OBI1: variants seen among roughly 807,000 people sequenced by gnomAD.
OBI1 encodes the protein ring finger protein 219.
OBI1 carries 59 observed loss-of-function variants against 62.4 expected under a neutral mutation model. The ratio of observed to expected loss-of-function variants is 0.95; its 90% CI spans 0.77 to 1.17. The LOEUF is 1.17. OBI1 is among the 50% of genes most tolerant of loss of function. The probability of loss-of-function intolerance (pLI) is 0.00; values close to 1 mark genes in which losing one functional copy is unlikely to be tolerated. For missense variants in OBI1, 875 were observed against 830.9 expected (o/e 1.05, Z -0.65); for synonymous variants, 302 against 292.8 (o/e 1.03, Z -0.32).
At chr13:78,650,164 T>C (rs988143602) in intron 1 of OBI1, among the ~76,000 whole-genome samples, 5 of 152,144 alleles carry the variant, frequency 3.3e-5, no homozygotes, top group Admixed American at 1.3e-4. Flanking sequence ...GATGAGTAGT[T>C]TGGTTTACCC....
At chr13:78,623,955 A>G (rs1875589830) in intron 5 of OBI1, among the ~76,000 whole-genome samples, 1 of 152,194 alleles carries the variant, frequency 6.6e-6, no homozygotes, top group African/African-American at 2.4e-5. Context: ...TGCCAACCCA[A>G]ATATTTAACC....
chr13:78,626,513 C>T (rs1875671130), intron 5 of OBI1, among the ~76,000 whole-genome samples: 2 of 152,128 alleles, frequency 1.3e-5, no homozygotes, highest in Admixed American at 1.3e-4. Flanking sequence ...GAGGAAAATG[C>T]TACCTCTGTC....
chr13:78,627,075 A>T (rs1444351919), intron 5 of OBI1, among the ~76,000 whole-genome samples: 1 of 152,174 alleles, frequency 6.6e-6, no homozygotes, highest in African/African-American at 2.4e-5. Context: ...TAAGCAGTAG[A>T]AAGGCTGTTA....
chr13:78,627,416 T>C (rs983199325), intron 5 of OBI1, among the ~76,000 whole-genome samples: 27 of 145,356 alleles, frequency 1.9e-4, no homozygotes, highest in African/African-American at 7.6e-4. Context: ...ATCCTCTAAA[T>C]TCCCTCCCCT....
At chr13:78,620,162 T>C (rs886152173) in intron 5 of OBI1, among the ~76,000 whole-genome samples, 1 of 152,204 alleles carries the variant, frequency 6.6e-6, no homozygotes, top group African/African-American at 2.4e-5. Flanking sequence ...ATAACTATAT[T>C]AAATTTGGCA....
chr13:78,640,820 G>A (rs139763896), intron 3 of OBI1, among the ~76,000 whole-genome samples: 6 of 152,144 alleles, frequency 3.9e-5, no homozygotes, highest in East Asian at 1.9e-4. Flanking sequence ...AAAGAGGATT[G>A]TTAGGGTTTT....
chr13:78,630,281 T>A (rs1258124329), intron 5 of OBI1, among the ~76,000 whole-genome samples: 1 of 152,130 alleles, frequency 6.6e-6, no homozygotes, highest in Non-Finnish European at 1.5e-5. Flanking sequence ...TTCCTTAATA[T>A]AAACAATTCT....
At chr13:78,625,845 G>C (rs944537145) in intron 5 of OBI1, among the ~76,000 whole-genome samples, 1 of 152,136 alleles carries the variant, frequency 6.6e-6, no homozygotes, top group Non-Finnish European at 1.5e-5. Flanking sequence ...TCAAATACTA[G>C]GAAATCACCA....
At chr13:78,648,562 A>G (rs1422074275) in intron 1 of OBI1, among the ~76,000 whole-genome samples, 1 of 151,966 alleles carries the variant, frequency 6.6e-6, no homozygotes, top group Non-Finnish European at 1.5e-5. Flanking sequence ...AAGCGTGCAC[A>G]TTATATGAGA....
chr13:78,631,959 T>G (rs2137443053), intron 5 of OBI1, among the ~76,000 whole-genome samples: 1 of 152,246 alleles, frequency 6.6e-6, no homozygotes, highest in South Asian at 2.1e-4. Context: ...TTGAGACCAA[T>G]GTAAATCTCC....
intron 1 of OBI1, among the ~76,000 whole-genome samples, chr13:78,648,279 A>AACACACAC (rs3064402): frequency 0.025 from 3,686 of 146,754 alleles, 48 homozygotes; most frequent in South Asian, 0.062. Flanking sequence ...ACTTCCCCCA[A>AACACACAC]ACACACACAC....
Position 78,642,177 on chromosome 13 carries a change from G to GT in OBI1, c.244dup (p.Thr82AsnfsTer10), listed in dbSNP as rs1876236832. On this transcript the variant is annotated frameshift_variant, in exon 3 of 6. Transcript: ENST00000282003. LOFTEE classifies it high-confidence loss of function. ...AGTTTTCCGAAGATGCTTCCTGACC[G>GT]TATGGCTTAGCATAGGTTCACTTTC... 6.2e-7 allele frequency: 1 copy of GT among 1,607,872 alleles called. No homozygotes were observed.
intron 5 of OBI1, among the ~76,000 whole-genome samples, chr13:78,627,372 G>A (rs1205736822): frequency 6.7e-6 from 1 of 149,072 alleles, no homozygotes; most frequent in Non-Finnish European, 1.5e-5. Flanking sequence ...ATAGGTATAC[G>A]TGTGCCATGG....
intron 1 of OBI1, among the ~76,000 whole-genome samples, chr13:78,657,773 T>C (rs1380251883): frequency 1.3e-5 from 2 of 152,202 alleles, no homozygotes; most frequent in Non-Finnish European, 2.9e-5. Context: ...ATTTAACACA[T>C]ATTTCCAGGA....
chr13:78,618,868 T>A (rs1273641714), intron 5 of OBI1, among the ~76,000 whole-genome samples: 1 of 152,218 alleles, frequency 6.6e-6, no homozygotes, highest in South Asian at 2.1e-4. Context: ...CTTCACAGAG[T>A]TGTAGTTCTG....
chr13:78,629,142 C>T (rs954724285), intron 5 of OBI1, among the ~76,000 whole-genome samples: 41 of 151,974 alleles, frequency 2.7e-4, no homozygotes, highest in African/African-American at 9.7e-4. Context: ...GTATCTAGAG[C>T]CTTTATCCTC....
Position 78,644,855 on chromosome 13 carries a change from C to T in OBI1, c.208+7G>A, listed in dbSNP as rs761004141. The T allele has an allele frequency of 1.9e-6, 3 of 1,613,166 alleles. No homozygotes were observed. The highest frequency in any genetic ancestry group is 2.2e-5 in the East Asian group (1 of 44,852). On this transcript the variant is annotated splice_region_variant and intron_variant, in intron 2 of 5. Transcript: ENST00000282003. The stretch of plus-strand genomic sequence containing the variant: ...TATTCCTATGCATATATAAAACAGG[C>T]CCTTACCTATAATTTCTTTGCAAGG...
Position 78,615,996 on chromosome 13 carries a change from G to A in OBI1, c.1765C>T (p.Leu589=), listed in dbSNP as rs766072716. 8 of 1,613,984 alleles carry A rather than the reference G, an allele frequency of 5.0e-6. No individual in the cohort carries two copies. Among genetic ancestry groups the A allele is most frequent in the African/African-American group, 4.0e-5 (3 of 74,910 alleles). The change falls in exon 6 of 6, where the codon CTA becomes TTA. Residue 589 remains leucine (L), a synonymous_variant. Coordinates refer to ENST00000282003, the MANE Select transcript of OBI1 (RefSeq NM_024546.4). ...GTTAGAGAACCTTTGGAAAGGTTTA[G>A]CTCAGTTTTTTCTTCCAACTTATCA... ...EPDKLEEKTE[L]NLSKGSLTND... is the part of the protein sequence containing the mutation.
chr13:78,616,344 T>C lies in OBI1; in HGVS notation c.1417A>G (p.Ser473Gly). ...TCAAAATCTAAGTTTTGGGCATAGC[T>C]TGTGGAACAACAGTCCCAAAATCCT... ...KTGFWDCCST[S>G]YAQNLDFESS... Residue 473 changes from serine (S) to glycine (G), a missense_variant, in exon 6 of 6, where the codon AGC becomes GGC. Coordinates refer to ENST00000282003, the MANE Select transcript of OBI1 (RefSeq NM_024546.4). 2 of 1,614,064 alleles carry C rather than the reference T, an allele frequency of 1.2e-6. No homozygotes were observed. The highest frequency in any genetic ancestry group is 1.7e-6 in the Non-Finnish European group (2 of 1,179,918).
Sources: gnomAD v4.1 joint callset for allele counts (sites outside exome capture counted in the v4.1 genomes callset) on GRCh38, gnomAD v4.1.1 for gene constraint, MANE v1.5 for transcripts, NCBI Gene and HGNC (gene_info 2026-07-23, HGNC 2026-07-21) for gene names.